The following SH3BP4 variants were observed in gnomAD, a reference collection of about 807,000 sequenced individuals.
The protein encoded by SH3BP4 is SH3 domain-binding protein 4.
A neutral mutation model predicts 65.5 loss-of-function variants in SH3BP4; 33 were observed. The ratio of observed to expected loss-of-function variants is 0.50; its 90% CI spans 0.38 to 0.67. The LOEUF (loss-of-function observed/expected upper bound fraction) is 0.67, where lower values mean the gene tolerates loss of function less well. SH3BP4 is among the 30% of genes least tolerant of loss of function. The pLI, the probability that SH3BP4 is intolerant of heterozygous loss-of-function variation, is 0.00. For missense variants in SH3BP4, 1,134 were observed against 1,261.4 expected (o/e 0.90, Z 1.53); for synonymous variants, 552 against 545.5 (o/e 1.01, Z -0.17).
At position 235,041,664 on chromosome 2, in the gene SH3BP4, G is replaced by A. The variant is rs139219220; in HGVS notation, c.895G>A (p.Asp299Asn). Residue 299 changes from aspartate to asparagine, a missense_variant, in exon 4 of 6, where the codon GAC becomes AAC. By Grantham distance (23) the Asp-to-Asn change is conservative. Transcript: ENST00000392011. The surrounding 1 kb of genome is among the most constrained non-coding windows in gnomAD (Gnocchi z 6.0). ...CAGGAAGCTGGCCCGGTCTTGCCAC[G>A]ACCTGGACTTGCTTGGCCAAAGCCC... ...NHRKLARSCH[D>N]LDLLGQSPGW... 3.5e-5 allele frequency: 56 copies of A among 1,613,612 alleles called. No individual in the cohort carries two copies. The highest frequency in any genetic ancestry group is 6.7e-5 in the East Asian group (3 of 44,880).
At position 235,045,195 on chromosome 2, in the gene SH3BP4, G is replaced by A. The variant is rs4663538; in HGVS notation, c.2478+1948G>A. 0.16 allele frequency among the ~76,000 whole-genome samples: 24,002 copies of A among 152,048 alleles called. 2,047 individuals carry two copies. Among genetic ancestry groups the A allele is most frequent in the South Asian group, 0.33 (1,609 of 4,814 alleles). On this transcript the variant is annotated intron_variant, in intron 4 of 5. Coordinates refer to ENST00000392011, the MANE Select transcript of SH3BP4 (RefSeq NM_014521.3). This position sits in a 1 kb window ranked among gnomAD's most constrained non-coding sequence, Gnocchi z 4.3. Reference sequence around the variant, plus strand: ...ATCCCGTGAGAGCCTCTGTGCGGGCGGCCCCGAGACCACAGCCGTGGCTGT... The same window carrying A: ...ATCCCGTGAGAGCCTCTGTGCGGGCAGCCCCGAGACCACAGCCGTGGCTGT...
At position 234,977,442 on chromosome 2, in the gene SH3BP4, C is replaced by T. The variant is rs969451393; in HGVS notation, c.-206-17861C>T. On this transcript the variant is annotated intron_variant, in intron 1 of 5. Transcript: ENST00000392011. The surrounding 1 kb of genome is among the most constrained non-coding windows in gnomAD (Gnocchi z 5.1). ...CTGGCCAGTGAGGAGCTTCTAAACA[C>T]GGAGGCAGATCAGCTTTTTGCCGAG... Among the ~76,000 whole-genome samples, 2 of 152,212 alleles carry T rather than the reference C, an allele frequency of 1.3e-5. No individual in the cohort carries two copies. Among genetic ancestry groups the T allele is most frequent in the Admixed American group, 6.5e-5 (1 of 15,276 alleles).
intron 2 of SH3BP4, among the ~76,000 whole-genome samples, chr2:234,998,600 C>T (rs1468250573): frequency 3.9e-5 from 6 of 152,184 alleles, no homozygotes; most frequent in South Asian, 2.1e-4. Flanking sequence ...TCCAGCTGAC[C>T]GCTGCAGTGG....
At chr2:235,024,155 C>A (rs1053498265) in intron 2 of SH3BP4, among the ~76,000 whole-genome samples, 2 of 152,184 alleles carry the variant, frequency 1.3e-5, no homozygotes, top group Non-Finnish European at 2.9e-5. Context: ...TGCTTAGAGG[C>A]CAGATTCTTG....
chr2:234,996,688 G>A (rs1351820723), intron 2 of SH3BP4, among the ~76,000 whole-genome samples: 1 of 152,206 alleles, frequency 6.6e-6, no homozygotes, highest in African/African-American at 2.4e-5. Flanking sequence ...CCTGGCATTG[G>A]TCAGAAAGCG....
At chr2:234,959,633 C>A (rs566395893) in intron 1 of SH3BP4, among the ~76,000 whole-genome samples, 128 of 149,688 alleles carry the variant, frequency 8.6e-4, no homozygotes, top group Middle Eastern at 3.5e-3. Flanking sequence ...TCCACTGTTG[C>A]CCTTTGTAAG....
At position 235,041,478 on chromosome 2, in the gene SH3BP4, C is replaced by G; in HGVS notation, c.709C>G (p.Pro237Ala). 1 of 1,614,208 alleles carries G rather than the reference C, an allele frequency of 6.2e-7. No homozygotes were observed. The highest frequency in any genetic ancestry group is 8.5e-7 in the Non-Finnish European group (1 of 1,180,048). Residue 237 changes from proline (P) to alanine (A), a missense_variant, in exon 4 of 6, where the codon CCC (proline) becomes GCC (alanine). By Grantham distance (27) the Pro-to-Ala change is conservative. Transcript: ENST00000392011. This position sits in a 1 kb window ranked among gnomAD's most constrained non-coding sequence, Gnocchi z 6.0. ...HAEPPVRRDN[P>A]FFRSKRSYSL... ...AGAGCCGCCGGTCAGGCGGGACAAC[C>G]CCTTCTTCAGAAGCAAGCGCTCCTA...
chr2:234,978,799 C>G lies in SH3BP4; in HGVS notation c.-206-16504C>G, dbSNP rs1024007579. 1 of 152,194 alleles carries G rather than the reference C, an allele frequency of 6.6e-6. No individual in the cohort carries two copies. Among genetic ancestry groups the G allele is most frequent in the East Asian group, 1.9e-4 (1 of 5,186 alleles). The allele number at this position is 152,194 out of a possible 1,614,324, so 9.4% of individuals were successfully genotyped here. A position where few individuals can be genotyped will look rare whatever the true frequency, so the allele number is the denominator to read the frequency against. ...AGACCGAGTCGTGCAGCGTCCGTGGCCTGCATTTGAAACTGAAGGGCAAGA... is the reference window on the plus strand; with the variant it reads ...AGACCGAGTCGTGCAGCGTCCGTGGGCTGCATTTGAAACTGAAGGGCAAGA... On this transcript the variant is annotated intron_variant, in intron 1 of 5. Transcript: ENST00000392011. The surrounding 1 kb of genome is among the most constrained non-coding windows in gnomAD (Gnocchi z 4.1).
chr2:235,038,394 TATATATATATATATATATATATGA>T (rs1559254827), intron 3 of SH3BP4, among the ~76,000 whole-genome samples: 11 of 55,702 alleles, frequency 2.0e-4, no homozygotes, highest in African/African-American at 8.5e-4. Flanking sequence ...TATATATATA[TATATATATATATATATATATATGA>T]GGTATGTAGA....
intron 1 of SH3BP4, among the ~76,000 whole-genome samples, chr2:234,971,857 G>C (rs555094630): frequency 6.6e-6 from 1 of 151,162 alleles, no homozygotes; most frequent in Admixed American, 6.6e-5. Flanking sequence ...TTGCTCTGTC[G>C]CTAGGCTGGA....
At chr2:234,964,186 C>T (rs1479578175) in intron 1 of SH3BP4, among the ~76,000 whole-genome samples, 4 of 152,122 alleles carry the variant, frequency 2.6e-5, no homozygotes, top group Admixed American at 1.3e-4. Flanking sequence ...ATTCCCAGCA[C>T]GCCCCAGGGG....
At position 234,997,315 on chromosome 2, in the gene SH3BP4, G is replaced by A. The variant is rs765509363; in HGVS notation, c.-133+1939G>A. Among the ~76,000 whole-genome samples, 3 of 152,302 alleles carry A rather than the reference G, an allele frequency of 2.0e-5. No homozygotes were observed. The highest frequency in any genetic ancestry group is 4.8e-5 in the African/African-American group (2 of 41,568). On this transcript the variant is annotated intron_variant, in intron 2 of 5. Coordinates refer to ENST00000392011, the MANE Select transcript of SH3BP4 (RefSeq NM_014521.3). This position sits in a 1 kb window ranked among gnomAD's most constrained non-coding sequence, Gnocchi z 4.2. ...TTGCCTGGGGGTCAGTGAGAGACAC[G>A]GCTACCCAGGGTTTCCATTTCCAGG...
chr2:235,036,867 C>T (rs1256683497), intron 3 of SH3BP4, among the ~76,000 whole-genome samples: 2 of 151,924 alleles, frequency 1.3e-5, no homozygotes, highest in Non-Finnish European at 2.9e-5. Flanking sequence ...CAGCCTCAAA[C>T]ATGAAGGGGA....
chr2:234,993,437 C>T (rs932935493), intron 1 of SH3BP4, among the ~76,000 whole-genome samples: 1 of 152,200 alleles, frequency 6.6e-6, no homozygotes, highest in African/African-American at 2.4e-5. Context: ...TCTGAGAACC[C>T]TGACCACGGC....
At chr2:235,032,307 C>T (rs1695231365) in intron 2 of SH3BP4, among the ~76,000 whole-genome samples, 1 of 152,216 alleles carries the variant, frequency 6.6e-6, no homozygotes, top group African/African-American at 2.4e-5. Flanking sequence ...GACTCTCAGG[C>T]AGGAACTGTC....
At position 235,033,577 on chromosome 2, in the gene SH3BP4, C is replaced by T. The variant is rs560042769; in HGVS notation, c.-132-1294C>T. On this transcript the variant is annotated intron_variant, in intron 2 of 5. Transcript: ENST00000392011. This position sits in a 1 kb window ranked among gnomAD's most constrained non-coding sequence, Gnocchi z 5.7. The stretch of plus-strand genomic sequence containing the variant: ...ACGCCTCCCTTGAGCCACTATCCGC[C>T]GGTCACTGGGAGCTGGGATTGCAGC... 2.4e-4 allele frequency among the ~76,000 whole-genome samples: 36 copies of T among 152,342 alleles called. No homozygotes were observed. The highest frequency in any genetic ancestry group is 5.8e-4 in the East Asian group (3 of 5,186).
At chr2:234,956,557 C>CTT (rs536560384) in intron 1 of SH3BP4, among the ~76,000 whole-genome samples, 36 of 138,296 alleles carry the variant, frequency 2.6e-4, no homozygotes, top group Non-Finnish European at 4.3e-4. Flanking sequence ...AACCCTGCCT[C>CTT]TTTTTTTTTT....
At chr2:235,004,083 T>C (rs1694215837) in intron 2 of SH3BP4, among the ~76,000 whole-genome samples, 1 of 152,252 alleles carries the variant, frequency 6.6e-6, no homozygotes, top group African/African-American at 2.4e-5. Flanking sequence ...TTCCTGTGCC[T>C]GACTGACTAG....
intron 2 of SH3BP4, among the ~76,000 whole-genome samples, chr2:235,005,581 C>G (rs929321696): frequency 2.0e-5 from 3 of 152,060 alleles, no homozygotes; most frequent in Non-Finnish European, 4.4e-5. Flanking sequence ...TCCCCTGACA[C>G]CTTGAGCCCC....
Sources: gnomAD v4.1 joint callset for allele counts (sites outside exome capture counted in the v4.1 genomes callset) on GRCh38, gnomAD v4.1.1 for gene constraint, Gnocchi (gnomAD v3.1) non-coding constraint, MANE v1.5 for transcripts, NCBI Gene and HGNC (gene_info 2026-07-23, HGNC 2026-07-21) for gene names.